Variants in CDC42BPA observed in about 807,000 individuals in gnomAD.
CDC42BPA encodes the protein CDC42 binding protein kinase alpha.
CDC42BPA carries 80 observed loss-of-function variants against 223.5 expected under a neutral mutation model. The observed-to-expected ratio is 0.36, with a 90% CI of 0.30 to 0.43. The LOEUF (loss-of-function observed/expected upper bound fraction) is 0.43. CDC42BPA is among the 20% of genes least tolerant of loss of function. The pLI is 1.00. For synonymous variants in CDC42BPA, 694 were observed against 718.6 expected (o/e 0.97, Z 0.55); for missense variants, 1,743 against 2,099.9 (o/e 0.83, Z 3.32).
chr1:227,261,921 G>A (rs1684155847), intron 1 of CDC42BPA, among the ~76,000 whole-genome samples: 1 of 152,142 alleles, frequency 6.6e-6, no homozygotes, highest in South Asian at 2.1e-4. Context: ...TGCCCATGTG[G>A]TAAAGAAATC....
intron 12 of CDC42BPA, among the ~76,000 whole-genome samples, chr1:227,114,197 C>A (rs889296410): frequency 1.3e-5 from 2 of 151,776 alleles, no homozygotes; most frequent in African/African-American, 2.4e-5. Flanking sequence ...GTAAAGAAAT[C>A]AGAGGGAAAG....
At chr1:227,233,281 C>T (rs547623598) in intron 2 of CDC42BPA, among the ~76,000 whole-genome samples, 48 of 152,242 alleles carry the variant, frequency 3.2e-4, no homozygotes, top group Admixed American at 1.9e-3. Flanking sequence ...TTGTGATCCG[C>T]CCACCTTGGC....
chr1:227,270,404 C>T (rs960598447), intron 1 of CDC42BPA, among the ~76,000 whole-genome samples: 7 of 152,098 alleles, frequency 4.6e-5, no homozygotes, highest in Non-Finnish European at 1.0e-4. Flanking sequence ...AAGCAGAGAA[C>T]CACCTGATTA....
rs116957859 is a variant in CDC42BPA at position 227,110,812 on chromosome 1, C to T, written c.2001+1500G>A. ...TGAATTCATGATGAACTAAAACTCC[C>T]AAAACAAAAACAAGAATAAAATCAA... On this transcript the variant is annotated intron_variant, in intron 14 of 36. Transcript: ENST00000366766. Among the ~76,000 whole-genome samples the T allele has an allele frequency of 2.5e-3, 387 of 152,178 alleles. 9 individuals carry two copies. The East Asian group carries it at 0.047, about 18-fold the overall frequency.
intron 1 of CDC42BPA, among the ~76,000 whole-genome samples, chr1:227,312,238 C>T (rs72632820): frequency 0.098 from 14,866 of 151,998 alleles, 1,169 homozygotes; most frequent in East Asian, 0.36. Flanking sequence ...GAGCTACATA[C>T]GTAACATACT....
At chr1:227,077,022 A>G (rs542312369) in intron 17 of CDC42BPA, among the ~76,000 whole-genome samples, 1 of 152,300 alleles carries the variant, frequency 6.6e-6, no homozygotes, top group South Asian at 2.1e-4. Flanking sequence ...GGCACATTTA[A>G]TCCTTCCCTT....
At chr1:227,058,773 A>AT (rs1675132133) in intron 21 of CDC42BPA, among the ~76,000 whole-genome samples, 1 of 152,016 alleles carries the variant, frequency 6.6e-6, no homozygotes, top group Non-Finnish European at 1.5e-5. Flanking sequence ...TGTTACTGAT[A>AT]TTTTTTAAAT....
intron 3 of CDC42BPA, among the ~76,000 whole-genome samples, chr1:227,206,977 A>G (rs12757886): frequency 6.7e-6 from 1 of 150,338 alleles, no homozygotes; most frequent in South Asian, 2.1e-4. Flanking sequence ...CATGTGCACA[A>G]TGTGCAGGTT....
intron 14 of CDC42BPA, among the ~76,000 whole-genome samples, chr1:227,103,975 G>GT (rs1685474413): frequency 1.3e-5 from 2 of 151,962 alleles, no homozygotes; most frequent in African/African-American, 2.4e-5. Context: ...AAAGAAACAA[G>GT]ATCAAAATTA....
In CDC42BPA at chr1:227,054,540, T is replaced by C. The variant is rs182971921; in HGVS notation, c.2905-2555A>G. Among the ~76,000 whole-genome samples, 12 of 152,326 alleles carry C rather than the reference T, an allele frequency of 7.9e-5. No homozygotes were observed. The East Asian group carries it at 1.7e-3, about 22-fold the overall frequency. ...GTTGTTAAAACATTTACCAGCATGTTTGCTGATCCTATGAAAATGTGGTAT... is the reference window on the plus strand; with the variant it reads ...GTTGTTAAAACATTTACCAGCATGTCTGCTGATCCTATGAAAATGTGGTAT... On this transcript the variant is annotated intron_variant, in intron 21 of 36. Coordinates refer to ENST00000366766, the MANE Select transcript of CDC42BPA (RefSeq NM_001394014.1).
At chr1:227,006,344 G>C (rs1432337252) in intron 34 of CDC42BPA, among the ~76,000 whole-genome samples, 1 of 152,198 alleles carries the variant, frequency 6.6e-6, no homozygotes, top group Non-Finnish European at 1.5e-5. Context: ...CATAAAGGCA[G>C]CATGGTGGCT....
intron 6 of CDC42BPA, among the ~76,000 whole-genome samples, chr1:227,156,700 G>A (rs1287003000): frequency 6.6e-6 from 1 of 152,120 alleles, no homozygotes; most frequent in African/African-American, 2.4e-5. Flanking sequence ...ATGCATTCTG[G>A]AATTTGCATT....
At position 227,213,172 on chromosome 1, in the gene CDC42BPA, T is replaced by G; in HGVS notation, c.318A>C (p.Lys106Asn). Reference protein sequence around the residue: ...LKNADKVFAMKILNKWEMLKR... With the variant: ...LKNADKVFAMNILNKWEMLKR... ...TCAGCATTTCCCATTTATTCAATAT[T>G]TTCATGGCAAACACTTTATCTGCAT... The change falls in exon 3 of 37, where the codon AAA (lysine) becomes AAC (asparagine). Residue 106 changes from lysine (K) to asparagine (N), a missense_variant. Lys to Asn is a moderately conservative substitution (Grantham distance 94, BLOSUM62 0). Transcript: ENST00000366766. The G allele has an allele frequency of 6.4e-7, 1 of 1,573,362 alleles. No individual in the cohort carries two copies. The highest frequency in any genetic ancestry group is 8.7e-7 in the Non-Finnish European group (1 of 1,149,298).
At chr1:226,998,091 T>C (rs1276579868) in intron 35 of CDC42BPA, among the ~76,000 whole-genome samples, 1 of 152,134 alleles carries the variant, frequency 6.6e-6, no homozygotes, top group Non-Finnish European at 1.5e-5. Context: ...TTACAAGGGA[T>C]GTGAAGGACC....
At chr1:227,065,849 T>C (rs1161656639) in intron 21 of CDC42BPA, among the ~76,000 whole-genome samples, 1 of 152,196 alleles carries the variant, frequency 6.6e-6, no homozygotes, top group Non-Finnish European at 1.5e-5. Context: ...ACCAAAGGAC[T>C]TGATTCCTGC....
At chr1:227,083,302 T>C (rs1252053735) in intron 16 of CDC42BPA, among the ~76,000 whole-genome samples, 1 of 152,168 alleles carries the variant, frequency 6.6e-6, no homozygotes, top group African/African-American at 2.4e-5. Context: ...ACATATGCAG[T>C]CCTTTTCTTT....
chr1:227,273,771 C>G (rs191824774), intron 1 of CDC42BPA, among the ~76,000 whole-genome samples: 26 of 150,594 alleles, frequency 1.7e-4, no homozygotes, highest in Non-Finnish European at 2.2e-4. Flanking sequence ...ATAGTTCGTT[C>G]TAACTGTGAA....
intron 34 of CDC42BPA, among the ~76,000 whole-genome samples, chr1:227,013,553 C>A (rs1210471219): frequency 6.6e-6 from 1 of 152,050 alleles, no homozygotes; most frequent in South Asian, 2.1e-4. Context: ...GGAACATTAG[C>A]AAACTGATTT....
At chr1:227,202,870 A>C (rs1223184145) in intron 3 of CDC42BPA, among the ~76,000 whole-genome samples, 1 of 152,008 alleles carries the variant, frequency 6.6e-6, no homozygotes, top group Non-Finnish European at 1.5e-5. Flanking sequence ...TTTGAGGCTG[A>C]AGTGAGCTAT....
Sources: allele counts gnomAD v4.1 joint callset (sites outside exome capture counted in the v4.1 genomes callset), GRCh38; gene constraint gnomAD v4.1.1; transcripts MANE v1.5; gene names NCBI Gene and HGNC (gene_info 2026-07-23, HGNC 2026-07-21).